The following APBB1IP variants were observed in gnomAD, a reference collection of about 807,000 sequenced individuals.
The protein encoded by APBB1IP is amyloid beta precursor protein binding family B member 1 interacting protein, also known as amyloid beta A4 precursor protein-binding family B member 1-interacting protein.
APBB1IP carries 27 observed loss-of-function variants against 64.9 expected under a neutral mutation model. The ratio of observed to expected loss-of-function variants is 0.42; its 90% confidence interval spans 0.31 to 0.57. APBB1IP has a LOEUF of 0.57. Among genes scored for constraint, APBB1IP ranks in the 20% least tolerant of loss-of-function variants. The probability of loss-of-function intolerance (pLI) is 0.20; values close to 1 mark genes in which losing one functional copy is unlikely to be tolerated. For synonymous variants in APBB1IP, 392 were observed against 331.0 expected (o/e 1.18, Z -2.00); for missense variants, 812 against 845.5 (o/e 0.96, Z 0.49).
chr10:26,545,939 A>C (rs1216727201), intron 11 of APBB1IP, among the ~76,000 whole-genome samples: 3 of 152,112 alleles, frequency 2.0e-5, no homozygotes, highest in Non-Finnish European at 4.4e-5. Context: ...CGACGGAGTG[A>C]GACTTTGTCT....
chr10:26,451,356 T>C (rs1394758413), intron 2 of APBB1IP, among the ~76,000 whole-genome samples: 2 of 152,142 alleles, frequency 1.3e-5, no homozygotes, highest in African/African-American at 4.8e-5. Flanking sequence ...CCCGAAGTAC[T>C]GAGATTACAG....
At chr10:26,443,408 T>C (rs11015111) in intron 2 of APBB1IP, among the ~76,000 whole-genome samples, 57,082 of 146,602 alleles carry the variant, frequency 0.39, 11,191 homozygotes, top group South Asian at 0.49. Context: ...TGGGCAACTC[T>C]ATCTCAAAAA....
At chr10:26,491,319 A>G (rs1254374995) in intron 2 of APBB1IP, among the ~76,000 whole-genome samples, 1 of 152,118 alleles carries the variant, frequency 6.6e-6, no homozygotes, top group Non-Finnish European at 1.5e-5. Flanking sequence ...AAAGAGAGAA[A>G]TGCCGTTAGA....
chr10:26,468,509 G>C (rs548284503), intron 2 of APBB1IP, among the ~76,000 whole-genome samples: 1 of 152,168 alleles, frequency 6.6e-6, no homozygotes, highest in East Asian at 1.9e-4. Flanking sequence ...ATGAGTTTCT[G>C]TGAAAATGAA....
chr10:26,494,092 G>A (rs189561248), intron 3 of APBB1IP, among the ~76,000 whole-genome samples: 1 of 152,280 alleles, frequency 6.6e-6, no homozygotes, highest in East Asian at 1.9e-4. Flanking sequence ...AACCCTTGAG[G>A]AAATGCTACA....
intron 2 of APBB1IP, among the ~76,000 whole-genome samples, chr10:26,479,688 T>G (rs1267260872): frequency 6.6e-6 from 1 of 152,260 alleles, no homozygotes; most frequent in Non-Finnish European, 1.5e-5. Context: ...TGCTGATGTA[T>G]TTTTGCTACG....
At chr10:26,534,547 C>G (rs1320568648) in intron 9 of APBB1IP, among the ~76,000 whole-genome samples, 2 of 152,154 alleles carry the variant, frequency 1.3e-5, no homozygotes. Flanking sequence ...TTGGCTCATG[C>G]TGGAGCCAAT....
At chr10:26,548,858 G>T (rs1384487641) in intron 11 of APBB1IP, among the ~76,000 whole-genome samples, 1 of 152,042 alleles carries the variant, frequency 6.6e-6, no homozygotes, top group Non-Finnish European at 1.5e-5. Context: ...AGTTGGTCTC[G>T]CTAAGAGTTC....
intron 3 of APBB1IP, among the ~76,000 whole-genome samples, chr10:26,494,527 A>G (rs1480865311): frequency 6.6e-6 from 1 of 152,252 alleles, no homozygotes; most frequent in Non-Finnish European, 1.5e-5. Flanking sequence ...TTATTTTAGG[A>G]AAAAATAAAC....
intron 2 of APBB1IP, among the ~76,000 whole-genome samples, chr10:26,477,483 C>T (rs1835789068): frequency 6.6e-6 from 1 of 152,174 alleles, no homozygotes; most frequent in African/African-American, 2.4e-5. Flanking sequence ...TGTTCTCCAA[C>T]CATCTTTCAC....
rs1274557671 is a variant in APBB1IP, at chr10:26,567,489, G to A, written c.*1G>A. The A allele has an allele frequency of 1.9e-6, 3 of 1,566,864 alleles. No homozygotes were observed. Among genetic ancestry groups the A allele is most frequent in the Admixed American group, 1.7e-5 (1 of 58,362 alleles). On this transcript the variant is annotated 3_prime_UTR_variant, in exon 15 of 15. Coordinates refer to ENST00000376236, the MANE Select transcript of APBB1IP (RefSeq NM_019043.4). ...AAAGAAGAGAGGCAACGTGTCCTAG[G>A]GACGGGCATGATGAGTGTTCCAGAG... is the stretch of plus-strand genomic sequence containing the variant.
chr10:26,566,326 C>T (rs1837043263), intron 14 of APBB1IP, among the ~76,000 whole-genome samples: 1 of 152,218 alleles, frequency 6.6e-6, no homozygotes, highest in Non-Finnish European at 1.5e-5. Context: ...ATGATCTCAG[C>T]TCATTGCATC....
intron 2 of APBB1IP, among the ~76,000 whole-genome samples, chr10:26,482,282 T>C (rs1282626400): frequency 1.3e-5 from 2 of 152,210 alleles, no homozygotes; most frequent in East Asian, 3.8e-4. Flanking sequence ...ATCCGTAACT[T>C]TAGAGATGCT....
Position 26,530,668 on chromosome 10 carries a change from G to A in APBB1IP, c.814-2771G>A, listed in dbSNP as rs144048488. 6.2e-3 allele frequency among the ~76,000 whole-genome samples: 911 copies of A among 148,066 alleles called. 7 individuals are homozygous for A. Among genetic ancestry groups the A allele is most frequent in the African/African-American group, 0.022 (862 of 39,454 alleles). On this transcript the variant is annotated intron_variant, in intron 8 of 14. Coordinates refer to ENST00000376236, the MANE Select transcript of APBB1IP (RefSeq NM_019043.4). ...TCGCGCTACTGCACTCCACCCTGGC[G>A]ACAGAGCAAGACTCTGTCTCAAAAA...
At position 26,560,796 on chromosome 10, in the gene APBB1IP, A is replaced by G. The variant is rs1341943835; in HGVS notation, c.1321A>G (p.Thr441Ala). ...AAAGGCTGGACTTGCCTCTCGGTGG[A>G]CAAACTTGGGGACAGTCAATGCAGC... ...VAKAGLASRW[T>A]NLGTVNAAAP... is the part of the protein sequence containing the mutation. The change falls in exon 13 of 15, where the codon ACA becomes GCA. Residue 441 changes from threonine to alanine, a missense_variant. Physicochemically the swap from Thr to Ala is moderately conservative, Grantham distance 58. This residue lies in a region of APBB1IP where 381 missense variants were observed against 352.1 expected (regional missense o/e 1.08). Coordinates refer to ENST00000376236, the MANE Select transcript of APBB1IP (RefSeq NM_019043.4). The G allele has an allele frequency of 1.2e-6, 2 of 1,605,946 alleles. No homozygotes were observed. The highest frequency in any genetic ancestry group is 1.1e-5 in the South Asian group (1 of 90,576).
intron 4 of APBB1IP, among the ~76,000 whole-genome samples, chr10:26,497,862 G>A (rs1259518394): frequency 1.3e-5 from 2 of 151,716 alleles, no homozygotes; most frequent in Non-Finnish European, 2.9e-5. Context: ...GAGTAGCTGG[G>A]ACTACAGGCA....
At chr10:26,518,270 T>A (rs1271928212) in intron 8 of APBB1IP, among the ~76,000 whole-genome samples, 3 of 141,760 alleles carry the variant, frequency 2.1e-5, no homozygotes, top group Non-Finnish European at 4.6e-5. Context: ...TTTTTTTTTT[T>A]AAAGAGTCCT....
At chr10:26,549,282 G>T (rs1330255110) in intron 11 of APBB1IP, among the ~76,000 whole-genome samples, 1 of 152,080 alleles carries the variant, frequency 6.6e-6, no homozygotes, top group Non-Finnish European at 1.5e-5. Context: ...TGGCCTGAAG[G>T]TTTTCTTTTT....
chr10:26,453,515 AC>A (rs1835487789), intron 2 of APBB1IP, among the ~76,000 whole-genome samples: 1 of 151,820 alleles, frequency 6.6e-6, no homozygotes, highest in South Asian at 2.1e-4. Context: ...TCCTCCATCC[AC>A]TCATTCATCT....
Sources: allele counts gnomAD v4.1 joint callset (sites outside exome capture counted in the v4.1 genomes callset), GRCh38; gene constraint gnomAD v4.1.1; regional missense constraint gnomAD v4.1.1; transcripts MANE v1.5; gene names NCBI Gene and HGNC (gene_info 2026-07-23, HGNC 2026-07-21).